ESRRG: variants seen among roughly 807,000 people sequenced by gnomAD.
ESRRG encodes the protein estrogen-related receptor gamma.
ESRRG carries 13 observed loss-of-function variants against 44.0 expected under a neutral mutation model. The ratio of observed to expected loss-of-function variants is 0.30; its 90% CI spans 0.19 to 0.47. The LOEUF (loss-of-function observed/expected upper bound fraction) is 0.47. Among genes scored for constraint, ESRRG ranks in the 20% least tolerant of loss-of-function variants. The pLI is 1.00. For missense variants in ESRRG, 395 were observed against 580.6 expected (o/e 0.68, Z 3.29); for synonymous variants, 215 against 214.6 (o/e 1.00, Z -0.02).
At chr1:216,613,241 A>G (rs2060918160) in intron 3 of ESRRG, among the ~76,000 whole-genome samples, 1 of 152,100 alleles carries the variant, frequency 6.6e-6, no homozygotes, top group Non-Finnish European at 1.5e-5. Flanking sequence ...TGTGCCCCCA[A>G]TTTTCTGTTT....
intron 2 of ESRRG, among the ~76,000 whole-genome samples, chr1:216,748,940 G>A (rs943735670): frequency 1.3e-5 from 2 of 152,074 alleles, no homozygotes; most frequent in Non-Finnish European, 2.9e-5. Context: ...TGCTTATGGG[G>A]TGGCAATCTT....
chr1:216,779,284 CATTATATTTATATTTATAAACATT>C (rs1386984628), intron 2 of ESRRG, among the ~76,000 whole-genome samples: 1 of 8,572 alleles, frequency 1.2e-4, no homozygotes, highest in African/African-American at 7.0e-4. Flanking sequence ...TATTTATAAA[CATTATATTTATATTTATAAACATT>C]ATATTTATAA....
At chr1:216,719,497 T>G (rs1192476331) in intron 1 of ESRRG, among the ~76,000 whole-genome samples, 1 of 152,066 alleles carries the variant, frequency 6.6e-6, no homozygotes. Context: ...ATTTCCTGCA[T>G]TATTTTTAAA....
At chr1:216,954,840 C>T (rs997376205) in intron 1 of ESRRG, among the ~76,000 whole-genome samples, 1 of 152,102 alleles carries the variant, frequency 6.6e-6, no homozygotes, top group Non-Finnish European at 1.5e-5. Flanking sequence ...AGCTGTTCAT[C>T]TGATTGTCAC....
chr1:217,081,047 AG>A (rs2151511812), intron 1 of ESRRG, among the ~76,000 whole-genome samples: 1 of 152,056 alleles, frequency 6.6e-6, no homozygotes, highest in Admixed American at 6.5e-5. Flanking sequence ...ATCAGAGCAC[AG>A]TATCCAGCAA....
intron 5 of ESRRG, among the ~76,000 whole-genome samples, chr1:216,562,334 G>C (rs2058908957): frequency 6.6e-6 from 1 of 152,040 alleles, no homozygotes; most frequent in Non-Finnish European, 1.5e-5. Context: ...AAAATATCTT[G>C]ATTCTACTCC....
At chr1:216,588,097 C>A (rs1355679333) in intron 3 of ESRRG, among the ~76,000 whole-genome samples, 1 of 151,956 alleles carries the variant, frequency 6.6e-6, no homozygotes, top group African/African-American at 2.4e-5. Context: ...ACATGTATTC[C>A]CCCTGGTGGA....
At chr1:217,130,962 T>C (rs2092956649) in intron 1 of ESRRG, among the ~76,000 whole-genome samples, 4 of 152,190 alleles carry the variant, frequency 2.6e-5, no homozygotes, top group African/African-American at 9.6e-5. Context: ...GAATATACTA[T>C]ATTGCCACGA....
chr1:216,753,489 T>G (rs1197537952), intron 2 of ESRRG, among the ~76,000 whole-genome samples: 1 of 152,042 alleles, frequency 6.6e-6, no homozygotes, highest in Non-Finnish European at 1.5e-5. Flanking sequence ...TAAAAAACAG[T>G]GAAAGAAAAT....
chr1:217,012,773 C>A (rs1344965507), intron 1 of ESRRG, among the ~76,000 whole-genome samples: 2 of 152,072 alleles, frequency 1.3e-5, no homozygotes, highest in Non-Finnish European at 2.9e-5. Flanking sequence ...TTTCTGAGTT[C>A]TTTGAATATT....
intron 1 of ESRRG, among the ~76,000 whole-genome samples, chr1:217,037,132 CT>C (rs1558056171): frequency 6.6e-6 from 1 of 152,196 alleles, no homozygotes; most frequent in African/African-American, 2.4e-5. Flanking sequence ...CTTTTTACCC[CT>C]GATCTGAGAT....
intron 1 of ESRRG, among the ~76,000 whole-genome samples, chr1:216,705,618 A>G (rs2082297224): frequency 6.6e-6 from 1 of 152,214 alleles, no homozygotes; most frequent in South Asian, 2.1e-4. Context: ...ACAATGATCT[A>G]TACATCTAAA....
intron 3 of ESRRG, among the ~76,000 whole-genome samples, chr1:216,575,820 T>C (rs1460590227): frequency 6.6e-6 from 1 of 152,056 alleles, no homozygotes. Flanking sequence ...AAACAATACC[T>C]GCATCATGAT....
At chr1:216,559,557 C>G (rs1407968286) in intron 5 of ESRRG, among the ~76,000 whole-genome samples, 1 of 152,194 alleles carries the variant, frequency 6.6e-6, no homozygotes, top group Non-Finnish European at 1.5e-5. Flanking sequence ...CTTAGTCAAC[C>G]ATGTCCTGTG....
At chr1:216,532,440 T>C (rs1572421958) in intron 5 of ESRRG, among the ~76,000 whole-genome samples, 1 of 152,292 alleles carries the variant, frequency 6.6e-6, no homozygotes, top group Middle Eastern at 3.4e-3. Flanking sequence ...GAAAGTAATT[T>C]CAAATAATAA....
intron 3 of ESRRG, among the ~76,000 whole-genome samples, chr1:216,599,814 A>G (rs1029478869): frequency 6.6e-6 from 1 of 151,230 alleles, no homozygotes; most frequent in African/African-American, 2.4e-5. Context: ...GGAGGAGGAG[A>G]ATTAACAGGA....
At chr1:216,896,663 C>T (rs1345418025) in intron 2 of ESRRG, among the ~76,000 whole-genome samples, 1 of 152,190 alleles carries the variant, frequency 6.6e-6, no homozygotes, top group Non-Finnish European at 1.5e-5. Flanking sequence ...GGAACCCAGT[C>T]TGTCAATTTT....
At chr1:216,566,598 A>G (rs575545761) in intron 4 of ESRRG, among the ~76,000 whole-genome samples, 1 of 152,324 alleles carries the variant, frequency 6.6e-6, no homozygotes, top group African/African-American at 2.4e-5. Context: ...AATAAATGAG[A>G]AATGGGCAGT....
chr1:216,653,412 G>A (rs1026548778), intron 2 of ESRRG, among the ~76,000 whole-genome samples: 2 of 152,138 alleles, frequency 1.3e-5, no homozygotes, highest in African/African-American at 4.8e-5. Flanking sequence ...TTGCCTTCCT[G>A]AATGAAATAT....
Sources: gnomAD v4.1 joint callset for allele counts (sites outside exome capture counted in the v4.1 genomes callset) on GRCh38, gnomAD v4.1.1 for gene constraint, MANE v1.5 for transcripts, NCBI Gene and HGNC (gene_info 2026-07-23, HGNC 2026-07-21) for gene names.